The following LMCD1 variants were observed in gnomAD, a reference collection of about 807,000 sequenced individuals.
LMCD1 encodes LIM and cysteine-rich domains protein 1.
LMCD1 carries 32 observed loss-of-function variants against 42.7 expected under a neutral mutation model. The observed-to-expected ratio is 0.75, with a 90% CI of 0.57 to 1.01. The LOEUF (loss-of-function observed/expected upper bound fraction) is 1.01. Ranked by LOEUF, LMCD1 falls within the 50% of genes least tolerant of loss-of-function variation. The pLI, the probability that LMCD1 is intolerant of heterozygous loss-of-function variation, is 0.00. For synonymous variants in LMCD1, 178 were observed against 184.9 expected (o/e 0.96, Z 0.30); for missense variants, 458 against 483.1 (o/e 0.95, Z 0.49).
intron 1 of LMCD1, among the ~76,000 whole-genome samples, chr3:8,513,065 T>A (rs1694032122): frequency 6.6e-6 from 1 of 152,218 alleles, no homozygotes. Context: ...CTAATTTTTT[T>A]AACTCCTCTG....
rs1693725888 is a variant in LMCD1, at chr3:8,501,823, GCA to G, written c.-113_-112del. ...AAGCGGCCCAGCTGCGCCTGGCTGCGCACAGAGCTCCCTCCCAGGCCCGCGAA... is the reference window on the plus strand; with the variant it reads ...AAGCGGCCCAGCTGCGCCTGGCTGCGCAGAGCTCCCTCCCAGGCCCGCGAA... On this transcript the variant is annotated 5_prime_UTR_variant, in exon 1 of 6. Transcript: ENST00000157600. The G allele has an allele frequency of 3.5e-6, 3 of 857,408 alleles. No individual in the cohort carries two copies. The East Asian group carries it at 8.6e-5, about 25-fold the overall frequency. The allele number at this position is 857,408 out of a possible 1,614,324, so 53.1% of individuals were successfully genotyped here.
In LMCD1 at chr3:8,543,416, TAGATAGATAGATAGATAGATAGATAGAC is replaced by T. The variant is rs1363178262; in HGVS notation, c.388-5148_388-5121del. Among the ~76,000 whole-genome samples, 123 of 143,528 alleles carry T rather than the reference TAGATAGATAGATAGATAGATAGATAGAC, an allele frequency of 8.6e-4. 1 individual carries two copies. The highest frequency in any genetic ancestry group is 3.0e-3 in the African/African-American group (109 of 36,144). 94.2% of individuals were successfully genotyped at this position (143,528 alleles called of 152,430 possible). Reference sequence around the variant, plus strand: ...GATAGATGATAGATAGATAGATAGATAGATAGATAGATAGATAGATAGATAGACAGACAGACAGAGAGATAGACAGACA... The same window carrying T: ...GATAGATGATAGATAGATAGATAGATAGACAGACAGAGAGATAGACAGACA... On this transcript the variant is annotated intron_variant, in intron 3 of 5. Transcript: ENST00000157600.
chr3:8,548,011 C>G (rs1049845660), intron 3 of LMCD1, among the ~76,000 whole-genome samples: 11 of 152,168 alleles, frequency 7.2e-5, no homozygotes, highest in Non-Finnish European at 1.0e-4. Context: ...GTACTGAATA[C>G]TATAGGCAAT....
chr3:8,551,059 G>A (rs1018236399), intron 4 of LMCD1: 16 of 985,324 alleles, frequency 1.6e-5, no homozygotes, highest in Non-Finnish European at 1.8e-5. Flanking sequence ...CAGAAAATAA[G>A]TAGGGATTCC....
chr3:8,519,845 G>A (rs1371733066), intron 1 of LMCD1, among the ~76,000 whole-genome samples: 1 of 151,918 alleles, frequency 6.6e-6, no homozygotes, highest in Non-Finnish European at 1.5e-5. Flanking sequence ...TAAAACACAA[G>A]TGGTATTTTA....
chr3:8,533,559 C>T (rs890667818), intron 2 of LMCD1, among the ~76,000 whole-genome samples: 1 of 152,148 alleles, frequency 6.6e-6, no homozygotes, highest in Non-Finnish European at 1.5e-5. Context: ...ACTGCTGTAG[C>T]GTTGCCTTGA....
rs966845666 is a variant in LMCD1 at position 8,567,711 on chromosome 3, G to T, written c.*113G>T. The stretch of plus-strand genomic sequence containing the variant: ...ACAGCAAGCAAGTGAAATAAACAAT[G>T]ATTTGCTTTTCAGTGAGAATATATA... On this transcript the variant is annotated 3_prime_UTR_variant, in exon 6 of 6. Transcript: ENST00000157600. 16 of 1,047,196 alleles carry T rather than the reference G, an allele frequency of 1.5e-5. No homozygotes were observed. The highest frequency in any genetic ancestry group is 1.8e-5 in the Non-Finnish European group (13 of 718,650). 64.9% of individuals were successfully genotyped at this position (1,047,196 alleles called of 1,614,324 possible). A position where few individuals can be genotyped will look rare whatever the true frequency, so the allele number is the denominator to read the frequency against.
At chr3:8,512,116 C>T (rs1014862896) in intron 1 of LMCD1, among the ~76,000 whole-genome samples, 3 of 152,198 alleles carry the variant, frequency 2.0e-5, no homozygotes, top group Admixed American at 2.0e-4. Context: ...CATGTGTGTG[C>T]ACCCTGAGCT....
At chr3:8,550,715 C>A (rs1248591147) in intron 4 of LMCD1, 2 of 969,298 alleles carry the variant, frequency 2.1e-6, no homozygotes, top group Admixed American at 1.3e-4. Context: ...TTACCATGGT[C>A]TATAAACTGG....
At position 8,571,799 on chromosome 3, in the gene LMCD1, G is replaced by T. The variant is rs1428287388; in HGVS notation, c.*4201G>T. ...TTGTTTTCTTTTCTTTTGATAGAAT[G>T]TCAAACTTACGAAAAAAGTTACAAG... is the stretch of plus-strand genomic sequence containing the variant. On this transcript the variant is annotated 3_prime_UTR_variant, in exon 6 of 6. Transcript: ENST00000157600. 1.3e-5 allele frequency: 2 copies of T among 152,212 alleles called. No homozygotes were observed. The highest frequency in any genetic ancestry group is 2.4e-5 in the African/African-American group (1 of 41,456). The allele number at this position is 152,212 out of a possible 1,614,324, so 9.4% of individuals were successfully genotyped here. A position where few individuals can be genotyped will look rare whatever the true frequency, so the allele number is the denominator to read the frequency against.
intron 1 of LMCD1, among the ~76,000 whole-genome samples, chr3:8,511,472 C>T (rs932413589): frequency 1.3e-5 from 2 of 152,142 alleles, no homozygotes; most frequent in South Asian, 2.1e-4. Context: ...GCCTAAAGAC[C>T]TTGATCGGGG....
Position 8,568,812 on chromosome 3 carries a change from C to A in LMCD1, c.*1214C>A, listed in dbSNP as rs950357826. On this transcript the variant is annotated 3_prime_UTR_variant, in exon 6 of 6. Coordinates refer to ENST00000157600, the MANE Select transcript of LMCD1 (RefSeq NM_014583.4). ...TGGGAGTATAAGGATGAAAAAGACACAAGTCCTAGGAGCTTACGGTCTGGT... is the reference window on the plus strand; with the variant it reads ...TGGGAGTATAAGGATGAAAAAGACAAAAGTCCTAGGAGCTTACGGTCTGGT... 12 of 152,162 alleles carry A rather than the reference C, an allele frequency of 7.9e-5. No homozygotes were observed. Among genetic ancestry groups the A allele is most frequent in the East Asian group, 1.9e-4 (1 of 5,198 alleles). 9.4% of individuals were successfully genotyped at this position (152,162 alleles called of 1,614,324 possible).
intron 1 of LMCD1, among the ~76,000 whole-genome samples, chr3:8,511,013 G>C (rs572281993): frequency 6.6e-6 from 1 of 152,306 alleles, no homozygotes; most frequent in African/African-American, 2.4e-5. Context: ...ATTGAGGTCT[G>C]AGGCTCTTGG....
intron 1 of LMCD1, among the ~76,000 whole-genome samples, chr3:8,519,876 G>T (rs1694168477): frequency 6.6e-6 from 1 of 152,016 alleles, no homozygotes; most frequent in Admixed American, 6.6e-5. Context: ...TCCAATGTTG[G>T]TTGAAGGAAA....
chr3:8,563,007 G>A (rs1695066679), intron 4 of LMCD1, among the ~76,000 whole-genome samples: 1 of 152,240 alleles, frequency 6.6e-6, no homozygotes, highest in South Asian at 2.1e-4. Flanking sequence ...TCTCTAAGGT[G>A]CAGACAGATG....
At chr3:8,543,253 T>C (rs554280987) in intron 3 of LMCD1, among the ~76,000 whole-genome samples, 2 of 152,290 alleles carry the variant, frequency 1.3e-5, no homozygotes, top group African/African-American at 2.4e-5. Context: ...CTGTTGGCCG[T>C]CCGGCTGCCA....
intron 1 of LMCD1, among the ~76,000 whole-genome samples, chr3:8,504,546 A>G (rs1191744534): frequency 7.2e-5 from 11 of 152,252 alleles, no homozygotes; most frequent in African/African-American, 2.7e-4. Flanking sequence ...AGCAAAGAAC[A>G]TAAAATCTAA....
At chr3:8,543,440 T>TAGACAGAC (rs1553607334) in intron 3 of LMCD1, among the ~76,000 whole-genome samples, 15 of 134,256 alleles carry the variant, frequency 1.1e-4, no homozygotes, top group African/African-American at 3.4e-4. Flanking sequence ...GATAGATAGA[T>TAGACAGAC]AGACAGACAG....
intron 1 of LMCD1, among the ~76,000 whole-genome samples, chr3:8,518,638 G>A (rs1344419240): frequency 2.6e-5 from 4 of 152,166 alleles, no homozygotes; most frequent in South Asian, 2.1e-4. Flanking sequence ...GGGAGAGAGC[G>A]AGTTGGCAGT....
Sources: allele counts gnomAD v4.1 joint callset (sites outside exome capture counted in the v4.1 genomes callset), GRCh38; gene constraint gnomAD v4.1.1; transcripts MANE v1.5; gene names NCBI Gene and HGNC (gene_info 2026-07-23, HGNC 2026-07-21).